Variants in MROH9 observed in about 807,000 individuals in gnomAD.
MROH9 encodes maestro heat-like repeat-containing protein family member 9.
In MROH9, 92 loss-of-function variants were observed where a neutral mutation model predicts 98.2. The observed-to-expected ratio is 0.94, with a 90% confidence interval of 0.79 to 1.11. The LOEUF (loss-of-function observed/expected upper bound fraction) is 1.11. Ranked by LOEUF, MROH9 falls within the 50% of genes most tolerant of loss-of-function variation. The pLI is 0.00. For synonymous variants in MROH9, 397 were observed against 368.9 expected (o/e 1.08, Z -0.87); for missense variants, 1,057 against 1,014.8 (o/e 1.04, Z -0.57).
intron 17 of MROH9, 85 bp from the exon 18 acceptor site, chr1:171,024,309 TG>T: frequency 2.3e-6 from 2 of 868,194 alleles, no homozygotes; most frequent in Non-Finnish European, 3.6e-6. Context: ...ATGGGGTGTG[TG>T]TGTGTGTGTG....
At chr1:171,019,371 C>T (rs966331046) in intron 17 of MROH9, among the ~76,000 whole-genome samples, 7 of 152,028 alleles carry the variant, frequency 4.6e-5, no homozygotes, top group Admixed American at 1.3e-4. Context: ...CTAGAAACAT[C>T]GGCCAGGAGA....
At chr1:170,954,738 T>A (rs1571445356) in intron 3 of MROH9, among the ~76,000 whole-genome samples, 1 of 152,228 alleles carries the variant, frequency 6.6e-6, no homozygotes, top group East Asian at 1.9e-4. Context: ...CACTGTGATT[T>A]TAATTTGCAT....
rs1196182579 is a variant in MROH9 at position 170,952,932 on chromosome 1, T to C, written c.72+5359T>C. On this transcript the variant is annotated intron_variant, in intron 3 of 21. Transcript: ENST00000367759. Reference sequence around the variant, plus strand: ...CAGACAAATCTTTACTACAGATAGCTCAGATGTATAACACAAAATCTTTTG... The same window carrying C: ...CAGACAAATCTTTACTACAGATAGCCCAGATGTATAACACAAAATCTTTTG... 2.6e-5 allele frequency among the ~76,000 whole-genome samples: 4 copies of C among 152,094 alleles called. No individual in the cohort carries two copies. The East Asian group carries it at 7.7e-4, about 29-fold the overall frequency.
chr1:170,945,297 C>T (rs1649285669), intron 1 of MROH9, among the ~76,000 whole-genome samples: 1 of 151,954 alleles, frequency 6.6e-6, no homozygotes, highest in South Asian at 2.1e-4. Flanking sequence ...TGTGTGAGAC[C>T]CTGAGCAGAC....
At chr1:171,040,714 G>A (rs1185866652) in intron 20 of MROH9, among the ~76,000 whole-genome samples, 3 of 152,060 alleles carry the variant, frequency 2.0e-5, no homozygotes, top group Non-Finnish European at 2.9e-5. Flanking sequence ...TTCACAAAAT[G>A]GGTGTGAGTA....
chr1:170,973,723 A>G (rs891712908), intron 8 of MROH9, among the ~76,000 whole-genome samples: 1 of 152,142 alleles, frequency 6.6e-6, no homozygotes, highest in Non-Finnish European at 1.5e-5. Context: ...TAAAAATACA[A>G]AATTAGCTGA....
chr1:170,950,423 C>G (rs539503072), intron 3 of MROH9, among the ~76,000 whole-genome samples: 1 of 152,162 alleles, frequency 6.6e-6, no homozygotes, highest in East Asian at 1.9e-4. Flanking sequence ...AGAAGAGGGA[C>G]AGAGCACAGT....
chr1:170,956,226 G>C (rs1204883130), intron 3 of MROH9, among the ~76,000 whole-genome samples: 1 of 152,126 alleles, frequency 6.6e-6, no homozygotes, highest in Non-Finnish European at 1.5e-5. Flanking sequence ...TGGCCTTATA[G>C]TACAGCTTGA....
chr1:171,013,498 T>TGGAAAACTG (rs1331552532), intron 15 of MROH9, among the ~76,000 whole-genome samples: 13 of 152,186 alleles, frequency 8.5e-5, no homozygotes, highest in African/African-American at 3.1e-4. Flanking sequence ...GGAAAAAAAA[T>TGGAAAACTG]GTCTTCCAAA....
rs1485841662 is a variant in MROH9 at position 171,025,435 on chromosome 1, G to T, written c.2281+15G>T. 7.6e-6 allele frequency: 11 copies of T among 1,453,254 alleles called. No individual in the cohort carries two copies. The highest frequency in any genetic ancestry group is 2.0e-5 in the Admixed American group (1 of 50,354). The allele number at this position is 1,453,254 out of a possible 1,614,324, so 90.0% of individuals were successfully genotyped here. A position where few individuals can be genotyped will look rare whatever the true frequency, so the allele number is the denominator to read the frequency against. On this transcript the variant is annotated intron_variant, in intron 20 of 21. Coordinates refer to ENST00000367759, the MANE Select transcript of MROH9 (RefSeq NM_001163629.2). ...TATTTTGATAGGTAAATATAATTCA[G>T]TTCTCAATTCCTAACTTGTCTTAAA...
intron 17 of MROH9, among the ~76,000 whole-genome samples, chr1:171,019,661 A>C (rs1163693713): frequency 1.3e-5 from 2 of 151,828 alleles, no homozygotes; most frequent in Non-Finnish European, 2.9e-5. Flanking sequence ...AAAAAAAAAA[A>C]TGCTAGAAAT....
At chr1:170,991,563 C>G (rs910774469) in intron 11 of MROH9, among the ~76,000 whole-genome samples, 4 of 152,022 alleles carry the variant, frequency 2.6e-5, no homozygotes, top group African/African-American at 9.7e-5. Context: ...AATAGTAAGA[C>G]TAATCTTGAA....
chr1:171,024,310 G>GTT (rs1652627565), intron 17 of MROH9, 85 bp from the exon 18 acceptor site: 1 of 870,766 alleles, frequency 1.1e-6, no homozygotes, highest in Admixed American at 2.1e-5. Flanking sequence ...TGGGGTGTGT[G>GTT]TGTGTGTGTG....
Position 170,980,424 on chromosome 1 carries a change from A to G in MROH9, c.617-2998A>G, listed in dbSNP as rs190310000. ...GAACATTGGTGCTGGTACCAGACAT[A>G]TAGACCAATGCAACATAACAGAGAC... On this transcript the variant is annotated intron_variant, in intron 8 of 21. Transcript: ENST00000367759. 2.6e-3 allele frequency among the ~76,000 whole-genome samples: 397 copies of G among 152,320 alleles called. 2 individuals carry two copies. The highest frequency in any genetic ancestry group is 8.8e-3 in the African/African-American group (366 of 41,574).
At chr1:170,979,296 G>A (rs1296762182) in intron 8 of MROH9, among the ~76,000 whole-genome samples, 1 of 152,112 alleles carries the variant, frequency 6.6e-6, no homozygotes, top group Non-Finnish European at 1.5e-5. Flanking sequence ...TCAGAAACAA[G>A]GCAAGGATGT....
intron 7 of MROH9, among the ~76,000 whole-genome samples, chr1:170,968,985 C>T (rs539065700): frequency 3.9e-5 from 6 of 152,206 alleles, no homozygotes; most frequent in African/African-American, 1.4e-4. Flanking sequence ...AATGTAAATG[C>T]TATGAGCTCA....
At chr1:170,953,895 A>AAAAG (rs142564748) in intron 3 of MROH9, among the ~76,000 whole-genome samples, 126,857 of 149,802 alleles carry the variant, frequency 0.85, 54,143 homozygotes, top group Middle Eastern at 0.98. Flanking sequence ...AAGAAAGAAA[A>AAAAG]AAAGAGAGAG....
At chr1:171,033,422 G>A (rs1056952911) in intron 20 of MROH9, among the ~76,000 whole-genome samples, 1 of 152,208 alleles carries the variant, frequency 6.6e-6, no homozygotes, top group African/African-American at 2.4e-5. Flanking sequence ...TCCAATCCGT[G>A]GGTTGCACAG....
At chr1:171,034,714 C>T (rs1209694510) in intron 20 of MROH9, among the ~76,000 whole-genome samples, 1 of 151,950 alleles carries the variant, frequency 6.6e-6, no homozygotes, top group East Asian at 1.9e-4. Flanking sequence ...TAAGTTGATT[C>T]TAAATGTTTG....
Sources: gnomAD v4.1 joint callset for allele counts (sites outside exome capture counted in the v4.1 genomes callset) on GRCh38, gnomAD v4.1.1 for gene constraint, MANE v1.5 for transcripts, NCBI Gene and HGNC (gene_info 2026-07-23, HGNC 2026-07-21) for gene names.